Variants in MAGI1 observed in about 807,000 individuals in gnomAD.
MAGI1 encodes the protein membrane-associated guanylate kinase, WW and PDZ domain-containing protein 1.
In MAGI1, 58 loss-of-function variants were observed where a neutral mutation model predicts 139.9. The observed-to-expected ratio is 0.41, with a 90% CI of 0.34 to 0.52. MAGI1 has a LOEUF of 0.52. Ranked by LOEUF, MAGI1 falls within the 20% of genes least tolerant of loss-of-function variation. The probability of loss-of-function intolerance (pLI) is 0.12; values close to 1 mark genes in which losing one functional copy is unlikely to be tolerated. For synonymous variants in MAGI1, 812 were observed against 737.9 expected, an observed-to-expected ratio of 1.10 and a Z score of -1.63; for missense variants, 1,874 against 1,901.6, an observed-to-expected ratio of 0.99 and a Z score of 0.27.
chr3:66,020,263 T>A (rs776053142), intron 1 of MAGI1, among the ~76,000 whole-genome samples: 1 of 152,066 alleles, frequency 6.6e-6, no homozygotes, highest in Non-Finnish European at 1.5e-5. Flanking sequence ...ATGGTGAAAC[T>A]CCATCTCTAT....
At chr3:65,800,416 A>G (rs945462634) in intron 1 of MAGI1, among the ~76,000 whole-genome samples, 9 of 152,148 alleles carry the variant, frequency 5.9e-5, no homozygotes, top group Non-Finnish European at 1.3e-4. Flanking sequence ...GTAATTGTGA[A>G]TTTCTTTTTT....
chr3:65,599,594 T>C (rs906745518), intron 2 of MAGI1, among the ~76,000 whole-genome samples: 1 of 152,192 alleles, frequency 6.6e-6, no homozygotes, highest in African/African-American at 2.4e-5. Flanking sequence ...ACAAAAACTC[T>C]CTACTTGTTA....
chr3:65,580,289 C>A (rs1005812990), intron 2 of MAGI1, among the ~76,000 whole-genome samples: 20 of 150,314 alleles, frequency 1.3e-4, no homozygotes, highest in Middle Eastern at 6.8e-3. Context: ...AATTTTGTAT[C>A]CCATTTGGTT....
chr3:65,947,064 T>C (rs1410751082), intron 1 of MAGI1, among the ~76,000 whole-genome samples: 1 of 152,232 alleles, frequency 6.6e-6, no homozygotes, highest in African/African-American at 2.4e-5. Context: ...GTGTTATGTT[T>C]GGTACCCTAA....
rs2107541901 is a variant in MAGI1 at position 65,687,285 on chromosome 3, T to C, written c.314-65197A>G. ...AAGGGGTGATTGATGCGGCTTCCAT[T>C]TGGAATTTAAGGCACCACGAAGAGT... On this transcript the variant is annotated intron_variant, in intron 1 of 22. Transcript: ENST00000402939. The C allele has an allele frequency of 2.5e-5, 5 of 198,318 alleles. No individual in the cohort carries two copies. In the South Asian group the frequency reaches 5.1e-4, roughly 20 times the overall value. The allele number at this position is 198,318 out of a possible 1,614,324, so 12.3% of individuals were successfully genotyped here.
chr3:65,889,584 A>G (rs2060660467), intron 1 of MAGI1, among the ~76,000 whole-genome samples: 2 of 152,180 alleles, frequency 1.3e-5, no homozygotes, highest in Non-Finnish European at 2.9e-5. Context: ...ACTCGCCTAA[A>G]AGCTGCTGCC....
At chr3:65,851,629 A>T (rs2059206560) in intron 1 of MAGI1, among the ~76,000 whole-genome samples, 1 of 152,116 alleles carries the variant, frequency 6.6e-6, no homozygotes, top group African/African-American at 2.4e-5. Flanking sequence ...TACACCTGTC[A>T]TCCCAGCTAC....
intron 1 of MAGI1, among the ~76,000 whole-genome samples, chr3:65,750,252 G>C (rs1056778419): frequency 6.6e-6 from 1 of 152,178 alleles, no homozygotes; most frequent in Non-Finnish European, 1.5e-5. Context: ...CAGAAATCTG[G>C]AGAACCTAAA....
chr3:65,444,576 A>G (rs930073163), intron 7 of MAGI1, among the ~76,000 whole-genome samples: 1 of 152,154 alleles, frequency 6.6e-6, no homozygotes, highest in African/African-American at 2.4e-5. Flanking sequence ...TAATTTGACA[A>G]ACATTTGTTG....
chr3:65,442,334 C>T (rs944811369), intron 8 of MAGI1, among the ~76,000 whole-genome samples: 1 of 152,114 alleles, frequency 6.6e-6, no homozygotes, highest in Non-Finnish European at 1.5e-5. Flanking sequence ...CATAAATTAC[C>T]GTGGCTGAAC....
At chr3:65,631,810 G>A (rs1012114959) in intron 1 of MAGI1, among the ~76,000 whole-genome samples, 2 of 152,058 alleles carry the variant, frequency 1.3e-5, no homozygotes, top group South Asian at 2.1e-4. Context: ...GGTCACATGA[G>A]GTCAGCAGTT....
At chr3:65,478,845 G>C in intron 3 of MAGI1, 47 bp from the exon 4 acceptor site, 1 of 1,443,402 alleles carries the variant, frequency 6.9e-7, no homozygotes. Context: ...GGAATACTTT[G>C]TGTTTTTTTT....
At chr3:65,387,138 C>G (rs1283905469) in intron 14 of MAGI1, 1 of 1,612,856 alleles carries the variant, frequency 6.2e-7, no homozygotes, top group Admixed American at 1.7e-5. Flanking sequence ...TCAGCGGATC[C>G]TTACTCGGAC....
At chr3:65,940,760 G>C (rs930655197) in intron 1 of MAGI1, among the ~76,000 whole-genome samples, 5 of 152,174 alleles carry the variant, frequency 3.3e-5, no homozygotes, top group African/African-American at 9.7e-5. Context: ...TGTAACCAAA[G>C]TGCGTATCAG....
In MAGI1 at chr3:65,827,547, T is replaced by C. The variant is rs567682851; in HGVS notation, c.314-205459A>G. ...AAACTGCTCTTGCTCCGAAGCCCACTGCCTTAAGCTCTATACTCTGCTCCC... is the reference window on the plus strand; with the variant it reads ...AAACTGCTCTTGCTCCGAAGCCCACCGCCTTAAGCTCTATACTCTGCTCCC... On this transcript the variant is annotated intron_variant, in intron 1 of 22. Transcript: ENST00000402939. 2.0e-5 allele frequency among the ~76,000 whole-genome samples: 3 copies of C among 152,276 alleles called. No homozygotes were observed. In the East Asian group the frequency reaches 5.8e-4, roughly 29 times the overall value.
intron 1 of MAGI1, among the ~76,000 whole-genome samples, chr3:65,688,960 T>C (rs973856225): frequency 4.6e-5 from 7 of 152,166 alleles, no homozygotes; most frequent in Non-Finnish European, 7.3e-5. Flanking sequence ...CTATCCCTAC[T>C]CTGGAAAAAC....
In MAGI1 at chr3:65,400,750, A is replaced by ATTTTTTT. The variant is rs767598706; in HGVS notation, c.2199+682_2199+688dup. On this transcript the variant is annotated intron_variant, in intron 13 of 22. Transcript: ENST00000402939. ...GATTGGAAAGGACAGCAAAACATTG[A>ATTTTTTT]TTTTTTTTTTTTTTTTTTTTTTTTT... Among the ~76,000 whole-genome samples the ATTTTTTT allele has an allele frequency of 2.0e-3, 122 of 60,592 alleles. 16 individuals are homozygous for ATTTTTTT. Among genetic ancestry groups the ATTTTTTT allele is most frequent in the Non-Finnish European group, 2.7e-3 (86 of 32,014 alleles). 39.8% of individuals were successfully genotyped at this position (60,592 alleles called of 152,430 possible).
At chr3:66,028,237 TGTTGCA>T in intron 1 of MAGI1, among the ~76,000 whole-genome samples, 1 of 152,140 alleles carries the variant, frequency 6.6e-6, no homozygotes, top group East Asian at 1.9e-4. Flanking sequence ...AGGAGGTGGG[TGTTGCA>T]GTGAGCTGAG....
intron 17 of MAGI1, among the ~76,000 whole-genome samples, chr3:65,377,779 A>G (rs538517107): frequency 6.6e-6 from 1 of 152,228 alleles, no homozygotes; most frequent in Non-Finnish European, 1.5e-5. Flanking sequence ...TAGCTCAAAA[A>G]GCACTGTTAG....
Sources: gnomAD v4.1 joint callset for allele counts (sites outside exome capture counted in the v4.1 genomes callset) on GRCh38, gnomAD v4.1.1 for gene constraint, MANE v1.5 for transcripts, NCBI Gene and HGNC (gene_info 2026-07-23, HGNC 2026-07-21) for gene names.